Variants in IL1RAPL1 observed in about 807,000 individuals in gnomAD.
IL1RAPL1 encodes the protein interleukin 1 receptor accessory protein like 1.
IL1RAPL1 carries 3 observed loss-of-function variants against 48.4 expected under a neutral mutation model. The ratio of observed to expected loss-of-function variants is 0.06; its 90% CI spans 0.03 to 0.16. The LOEUF is 0.16. IL1RAPL1 is among the 10% of genes least tolerant of loss of function. The probability of loss-of-function intolerance (pLI) is 1.00; values close to 1 mark genes in which losing one functional copy is unlikely to be tolerated. For synonymous variants in IL1RAPL1, 185 were observed against 187.7 expected (o/e 0.99, Z 0.12); for missense variants, 349 against 530.6 (o/e 0.66, Z 3.36).
chrX:29,092,992 G>C (rs966659968), intron 2 of IL1RAPL1, among the ~76,000 whole-genome samples: 1 of 111,723 alleles, frequency 9.0e-6, no homozygotes, highest in Non-Finnish European at 1.9e-5. Context: ...TTATTTAATA[G>C]AATCTATATT....
chrX:29,931,159 A>G (rs1186148145), intron 8 of IL1RAPL1, among the ~76,000 whole-genome samples: 1 of 110,457 alleles, frequency 9.1e-6, no homozygotes, highest in Non-Finnish European at 1.9e-5. Flanking sequence ...TAGATTGTTA[A>G]TGGGGAGGGG....
intron 1 of IL1RAPL1, among the ~76,000 whole-genome samples, chrX:28,691,629 T>C (rs1455797722): frequency 9.0e-6 from 1 of 111,728 alleles, no homozygotes; most frequent in Non-Finnish European, 1.9e-5. Context: ...TAATAAGTAT[T>C]TGATAAATTA....
chrX:29,921,526 T>C (rs1196596125), intron 8 of IL1RAPL1, among the ~76,000 whole-genome samples: 1 of 112,118 alleles, frequency 8.9e-6, no homozygotes, highest in Non-Finnish European at 1.9e-5. Flanking sequence ...AACAATATGA[T>C]TGTATCTTTC....
chrX:28,593,646 T>C (rs1933925666), intron 1 of IL1RAPL1, among the ~76,000 whole-genome samples: 5 of 111,497 alleles, frequency 4.5e-5, no homozygotes, highest in Admixed American at 2.9e-4. Flanking sequence ...TTGAAATGGA[T>C]TGTGGATTGT....
chrX:29,045,198 C>T (rs1316413329), intron 2 of IL1RAPL1, among the ~76,000 whole-genome samples: 1 of 111,208 alleles, frequency 9.0e-6, no homozygotes, highest in Admixed American at 9.6e-5. Flanking sequence ...TAACCACATA[C>T]GATGGATATT....
At chrX:29,908,186 T>C (rs1239730510) in intron 6 of IL1RAPL1, among the ~76,000 whole-genome samples, 1 of 110,495 alleles carries the variant, frequency 9.1e-6, no homozygotes, top group East Asian at 2.8e-4. Flanking sequence ...TATTTATTGC[T>C]GCAGGGTTGC....
intron 6 of IL1RAPL1, among the ~76,000 whole-genome samples, chrX:29,864,378 C>A (rs1931650819): frequency 8.9e-6 from 1 of 111,777 alleles, no homozygotes; most frequent in African/African-American, 3.3e-5. Flanking sequence ...AAGGGGGTGG[C>A]CCTTACAAAT....
rs137957612 is a variant in IL1RAPL1, at chrX:29,860,654, C to T, written c.779-56810C>T. Among the ~76,000 whole-genome samples the T allele has an allele frequency of 8.6e-3, 962 of 111,671 alleles. 10 individuals carry two copies. Among genetic ancestry groups the T allele is most frequent in the African/African-American group, 0.028 (874 of 30,695 alleles). On this transcript the variant is annotated intron_variant, in intron 6 of 10. Coordinates refer to ENST00000378993, the MANE Select transcript of IL1RAPL1 (RefSeq NM_014271.4). ...GTTAGTTTGCTGAGAATGATGGTTT[C>T]CAGCTTCATCCATGTCCCTGCAAAG...
chrX:29,263,681 C>A (rs1237433897), intron 2 of IL1RAPL1, among the ~76,000 whole-genome samples: 1 of 111,635 alleles, frequency 9.0e-6, no homozygotes, highest in Non-Finnish European at 1.9e-5. Flanking sequence ...CACACCCAAT[C>A]ATCCATATTA....
chrX:29,191,418 T>C (rs1480876409), intron 2 of IL1RAPL1, among the ~76,000 whole-genome samples: 2 of 111,735 alleles, frequency 1.8e-5, no homozygotes, highest in East Asian at 5.7e-4. Flanking sequence ...CTCTCAGTGA[T>C]TAATGTGGCC....
intron 1 of IL1RAPL1, among the ~76,000 whole-genome samples, chrX:28,783,376 T>C (rs1936442410): frequency 8.9e-6 from 1 of 111,836 alleles, no homozygotes; most frequent in African/African-American, 3.2e-5. Context: ...ATAACTTTGG[T>C]TTTTTAGTCA....
At chrX:28,887,098 C>A (rs1922651815) in intron 2 of IL1RAPL1, among the ~76,000 whole-genome samples, 1 of 111,725 alleles carries the variant, frequency 9.0e-6, no homozygotes, top group Non-Finnish European at 1.9e-5. Context: ...CGAATGCCTC[C>A]TCCACACATT....
At chrX:29,467,926 C>A (rs768621403) in intron 5 of IL1RAPL1, among the ~76,000 whole-genome samples, 2 of 111,366 alleles carry the variant, frequency 1.8e-5, no homozygotes, top group East Asian at 5.7e-4. Flanking sequence ...AGTGGCACAA[C>A]CTCCGCTCAC....
At chrX:29,336,591 A>C (rs1264179860) in intron 3 of IL1RAPL1, among the ~76,000 whole-genome samples, 1 of 110,564 alleles carries the variant, frequency 9.0e-6, no homozygotes. Flanking sequence ...AACAGAATTA[A>C]TCAAGGTATT....
At chrX:29,458,286 T>A (rs962684969) in intron 5 of IL1RAPL1, among the ~76,000 whole-genome samples, 6 of 112,577 alleles carry the variant, frequency 5.3e-5, no homozygotes, top group African/African-American at 1.9e-4. Context: ...GGTCCCAGTT[T>A]TCAATGTTTG....
At chrX:29,690,762 A>T (rs1926750357) in intron 6 of IL1RAPL1, among the ~76,000 whole-genome samples, 2 of 111,881 alleles carry the variant, frequency 1.8e-5, no homozygotes, top group South Asian at 7.4e-4. Flanking sequence ...TTATTTTAAA[A>T]ACTGTTGATT....
At chrX:28,706,131 A>G (rs142412720) in intron 1 of IL1RAPL1, among the ~76,000 whole-genome samples, 1 of 111,986 alleles carries the variant, frequency 8.9e-6, no homozygotes, top group Non-Finnish European at 1.9e-5. Flanking sequence ...GACGAACCGC[A>G]TGTAGGATGG....
chrX:28,779,630 GTGTGTATATATATATATA>G (rs1432943914), intron 1 of IL1RAPL1, among the ~76,000 whole-genome samples: 3,434 of 61,130 alleles, frequency 0.056, 228 homozygotes, highest in East Asian at 0.36. Context: ...GTGTGTGTGT[GTGTGTATATATATATATA>G]TATATATATA....
In IL1RAPL1 at chrX:28,970,719, T is replaced by TA. The variant is rs1203288567; in HGVS notation, c.82+181301dup. ...ATTTTCTACAAAAATTTATCCTTTT[T>TA]AAAAAAACTAACTTTTTAAGCTAAG... On this transcript the variant is annotated intron_variant, in intron 2 of 10. Transcript: ENST00000378993. Among the ~76,000 whole-genome samples the TA allele has an allele frequency of 8.1e-5, 9 of 111,800 alleles. No individual in the cohort carries two copies. In the South Asian group the frequency reaches 1.5e-3, roughly 18 times the overall value.
Sources: allele counts gnomAD v4.1 joint callset (sites outside exome capture counted in the v4.1 genomes callset), GRCh38; gene constraint gnomAD v4.1.1; transcripts MANE v1.5; gene names NCBI Gene and HGNC (gene_info 2026-07-23, HGNC 2026-07-21).